Variants in PCDH15 observed in about 807,000 individuals in gnomAD.
PCDH15 encodes protocadherin related 15.
PCDH15 carries 129 observed loss-of-function variants against 178.5 expected under a neutral mutation model. The observed-to-expected ratio is 0.72, with a 90% confidence interval of 0.63 to 0.84. The LOEUF is 0.84. PCDH15 is among the 40% of genes least tolerant of loss of function. The probability of loss-of-function intolerance (pLI) is 0.00; values close to 1 mark genes in which losing one functional copy is unlikely to be tolerated. For synonymous variants in PCDH15, 800 were observed against 732.0 expected, an observed-to-expected ratio of 1.09 and a Z score of -1.50; for missense variants, 2,230 against 2,099.9, an observed-to-expected ratio of 1.06 and a Z score of -1.21.
chr10:54,895,820 T>C (rs985041616), intron 3 of PCDH15, among the ~76,000 whole-genome samples: 2 of 152,116 alleles, frequency 1.3e-5, no homozygotes, highest in Non-Finnish European at 2.9e-5. Flanking sequence ...TACACGTTAG[T>C]CTACTTTTCT....
chr10:55,120,304 G>A (rs754397324), intron 2 of PCDH15, among the ~76,000 whole-genome samples: 2 of 152,154 alleles, frequency 1.3e-5, no homozygotes, highest in South Asian at 4.1e-4. Context: ...GAAGACAGAA[G>A]GAAGAATATG....
intron 2 of PCDH15, among the ~76,000 whole-genome samples, chr10:54,956,828 T>C (rs1419579152): frequency 6.6e-6 from 1 of 151,692 alleles, no homozygotes; most frequent in African/African-American, 2.4e-5. Context: ...TTTATGTCAC[T>C]TAAAACTTTT....
chr10:54,841,886 T>C (rs1484963471), intron 3 of PCDH15, among the ~76,000 whole-genome samples: 1 of 151,900 alleles, frequency 6.6e-6, no homozygotes, highest in Non-Finnish European at 1.5e-5. Context: ...CATATGTGCC[T>C]ATAGTGATGT....
chr10:54,148,318 A>G (rs1001672194), intron 14 of PCDH15, among the ~76,000 whole-genome samples: 3 of 152,048 alleles, frequency 2.0e-5, no homozygotes, highest in African/African-American at 7.2e-5. Context: ...GCCCATAAGG[A>G]TACTAAAATC....
intron 3 of PCDH15, among the ~76,000 whole-genome samples, chr10:54,878,009 C>G (rs896044645): frequency 3.6e-5 from 5 of 137,204 alleles, no homozygotes; most frequent in Non-Finnish European, 6.1e-5. Context: ...GTTGCCTAGG[C>G]TGGAGTGCAG....
chr10:55,611,118 C>G (rs746969494), intron 2 of PCDH15, among the ~76,000 whole-genome samples: 2 of 151,816 alleles, frequency 1.3e-5, no homozygotes, highest in African/African-American at 4.8e-5. Context: ...TTGGTTTGGG[C>G]GATGATTTCT....
chr10:54,105,878 G>A (rs2094908850), intron 15 of PCDH15, among the ~76,000 whole-genome samples: 1 of 152,132 alleles, frequency 6.6e-6, no homozygotes, highest in African/African-American at 2.4e-5. Context: ...TCAAAAATTA[G>A]AGACAATCCC....
intron 7 of PCDH15, among the ~76,000 whole-genome samples, chr10:54,328,421 T>C (rs985445391): frequency 5.3e-5 from 8 of 152,030 alleles, no homozygotes; most frequent in African/African-American, 1.9e-4. Flanking sequence ...CTCCCATTCA[T>C]CTTGCTAAGA....
At chr10:54,382,921 T>G (rs987298507) in intron 3 of PCDH15, among the ~76,000 whole-genome samples, 1 of 152,144 alleles carries the variant, frequency 6.6e-6, no homozygotes, top group Non-Finnish European at 1.5e-5. Flanking sequence ...TGTCAAAAGA[T>G]CTATGTTCAG....
At chr10:54,192,107 GA>G (rs35501378) in intron 11 of PCDH15, among the ~76,000 whole-genome samples, 28,894 of 90,256 alleles carry the variant, frequency 0.32, 4,141 homozygotes, top group East Asian at 0.85. Context: ...AAGGAAGAAA[GA>G]AAAAAAAAAA....
At chr10:54,251,921 ATAATT>A (rs1168214427) in intron 8 of PCDH15, among the ~76,000 whole-genome samples, 1 of 152,142 alleles carries the variant, frequency 6.6e-6, no homozygotes, top group Non-Finnish European at 1.5e-5. Flanking sequence ...ACTTTTAAAA[ATAATT>A]TAATAGTGTT....
chr10:55,199,364 T>A (rs561069133), intron 1 of PCDH15, among the ~76,000 whole-genome samples: 22 of 152,088 alleles, frequency 1.4e-4, no homozygotes, highest in Non-Finnish European at 2.8e-4. Flanking sequence ...AGAGAGATGA[T>A]TTAGGGTATC....
intron 2 of PCDH15, among the ~76,000 whole-genome samples, chr10:54,534,531 G>T (rs2084275937): frequency 6.6e-6 from 1 of 152,158 alleles, no homozygotes; most frequent in South Asian, 2.1e-4. Flanking sequence ...AAAGATCAAG[G>T]AAGAGTTGCA....
At chr10:55,040,704 A>T (rs1236248814) in intron 2 of PCDH15, among the ~76,000 whole-genome samples, 1 of 152,198 alleles carries the variant, frequency 6.6e-6, no homozygotes, top group African/African-American at 2.4e-5. Context: ...TATTATTTTA[A>T]GAACTCATTT....
intron 2 of PCDH15, among the ~76,000 whole-genome samples, chr10:55,070,330 G>A (rs1360803025): frequency 1.3e-5 from 2 of 151,772 alleles, no homozygotes; most frequent in East Asian, 3.9e-4. Flanking sequence ...TGCTTTTGGT[G>A]TTTTAGACAT....
chr10:55,425,335 T>C (rs1838725988), intron 2 of PCDH15, among the ~76,000 whole-genome samples: 1 of 151,936 alleles, frequency 6.6e-6, no homozygotes, highest in Non-Finnish European at 1.5e-5. Context: ...TTAAAAGTCA[T>C]GGAAAAAACT....
At chr10:54,728,180 C>CA in intron 1 of PCDH15, among the ~76,000 whole-genome samples, 1 of 151,458 alleles carries the variant, frequency 6.6e-6, no homozygotes. Flanking sequence ...CAAAAATCCT[C>CA]AACAAAATAC....
At chr10:54,205,555 C>A (rs545375797) in intron 10 of PCDH15, among the ~76,000 whole-genome samples, 21 of 143,674 alleles carry the variant, frequency 1.5e-4, no homozygotes, top group African/African-American at 5.4e-4. Flanking sequence ...ATAACCTGTG[C>A]TCCATGAATC....
chr10:55,557,529 T>C (rs1469074520), intron 2 of PCDH15, among the ~76,000 whole-genome samples: 1 of 152,114 alleles, frequency 6.6e-6, no homozygotes, highest in African/African-American at 2.4e-5. Flanking sequence ...ACAAATAAAC[T>C]GCATGAGACG....
Sources: gnomAD v4.1 joint callset for allele counts (sites outside exome capture counted in the v4.1 genomes callset) on GRCh38, gnomAD v4.1.1 for gene constraint, MANE v1.5 for transcripts, NCBI Gene and HGNC (gene_info 2026-07-23, HGNC 2026-07-21) for gene names.